The following DGKI variants were observed in gnomAD, a reference collection of about 807,000 sequenced individuals.
DGKI encodes the protein DAG kinase iota.
DGKI carries 55 observed loss-of-function variants against 147.5 expected under a neutral mutation model. The observed-to-expected ratio is 0.37, with a 90% confidence interval of 0.30 to 0.47. DGKI has a LOEUF of 0.47. DGKI is among the 20% of genes least tolerant of loss of function. DGKI has a pLI of 1.00. For missense variants in DGKI, 1,007 were observed against 1,323.8 expected, an observed-to-expected ratio of 0.76 and a Z score of 3.71; for synonymous variants, 469 against 477.1, an observed-to-expected ratio of 0.98 and a Z score of 0.22.
chr7:137,609,578 T>C lies in DGKI; in HGVS notation c.1025A>G (p.Lys342Arg), dbSNP rs1280694654. ...NSLKASNRKK[K>R]RTSFKRKASK... is the part of the protein sequence containing the mutation. ...GGCTTTTCTTTTAAAGCTTGTTCTC[T>C]TCTTCTTCCGATTTGAAGCCTTCAG... is the stretch of plus-strand genomic sequence containing the variant. Residue 342 changes from lysine to arginine, a missense_variant, in exon 9 of 33, where the codon AAG (lysine) becomes AGG (arginine). By Grantham distance (26) the Lys-to-Arg change is conservative. Coordinates refer to ENST00000614521, the MANE Select transcript of DGKI (RefSeq NM_001321708.2). 2 of 1,613,290 alleles carry C rather than the reference T, an allele frequency of 1.2e-6. No individual in the cohort carries two copies. The highest frequency in any genetic ancestry group is 1.7e-6 in the Non-Finnish European group (2 of 1,179,526).
chr7:137,604,017 C>G (rs1281066505), intron 10 of DGKI, among the ~76,000 whole-genome samples: 1 of 152,190 alleles, frequency 6.6e-6, no homozygotes, highest in Non-Finnish European at 1.5e-5. Flanking sequence ...TTATGCATCG[C>G]TCTGGCTACA....
At chr7:137,395,399 G>T (rs1470400965) in intron 32 of DGKI, among the ~76,000 whole-genome samples, 199 bp downstream of exon 32, 1 of 152,234 alleles carries the variant, frequency 6.6e-6, no homozygotes, top group Non-Finnish European at 1.5e-5. Flanking sequence ...CCATAGGCAA[G>T]CACACGCCCT....
intron 5 of DGKI, among the ~76,000 whole-genome samples, chr7:137,653,740 G>C (rs1325057223): frequency 6.6e-6 from 1 of 152,164 alleles, no homozygotes; most frequent in Non-Finnish European, 1.5e-5. Flanking sequence ...AGGTTTCCAA[G>C]GGGTAAATCT....
At chr7:137,729,465 GAT>G (rs1794806892) in intron 1 of DGKI, among the ~76,000 whole-genome samples, 1 of 152,008 alleles carries the variant, frequency 6.6e-6, no homozygotes, top group South Asian at 2.1e-4. Flanking sequence ...AGACTCCAAG[GAT>G]ATTCCTATAT....
chr7:137,455,950 A>C (rs1814188486), intron 27 of DGKI, among the ~76,000 whole-genome samples: 2 of 152,148 alleles, frequency 1.3e-5, no homozygotes, highest in Non-Finnish European at 2.9e-5. Flanking sequence ...ACTCTTTCAC[A>C]CTTTAGATCT....
chr7:137,659,427 C>G (rs933371237), intron 3 of DGKI, among the ~76,000 whole-genome samples: 3 of 152,106 alleles, frequency 2.0e-5, no homozygotes, highest in Admixed American at 6.5e-5. Flanking sequence ...AATAAGCTTC[C>G]GGACAGAAAT....
intron 1 of DGKI, chr7:137,771,857 C>T (rs900443071): frequency 6.6e-6 from 1 of 152,120 alleles, no homozygotes; most frequent in Non-Finnish European, 1.5e-5. Context: ...CTGGGAAATA[C>T]CTTCTAATAA....
intron 31 of DGKI, among the ~76,000 whole-genome samples, chr7:137,397,153 T>C (rs1478250378): frequency 6.6e-6 from 1 of 152,256 alleles, no homozygotes; most frequent in Non-Finnish European, 1.5e-5. Context: ...TAAATGATGA[T>C]TAGCGCTGAC....
At chr7:137,508,811 T>C (rs1816467422) in intron 21 of DGKI, among the ~76,000 whole-genome samples, 1 of 151,996 alleles carries the variant, frequency 6.6e-6, no homozygotes, top group African/African-American at 2.4e-5. Context: ...CAAACACAGA[T>C]GCCTAGTTAC....
At position 137,427,176 on chromosome 7, in the gene DGKI, A is replaced by T. The variant is rs577944471; in HGVS notation, c.2762-14969T>A. ...TAAAGCTCTCCTCAGCAAATGTAAAAGAACAGAAATTATAAAAAACTGTCT... is the reference window on the plus strand; with the variant it reads ...TAAAGCTCTCCTCAGCAAATGTAAATGAACAGAAATTATAAAAAACTGTCT... On this transcript the variant is annotated intron_variant, in intron 28 of 32. Transcript: ENST00000614521. Among the ~76,000 whole-genome samples, 859 of 152,280 alleles carry T rather than the reference A, an allele frequency of 5.6e-3. 8 individuals are homozygous for T. Among genetic ancestry groups the T allele is most frequent in the African/African-American group, 0.02 (816 of 41,528 alleles).
intron 31 of DGKI, among the ~76,000 whole-genome samples, chr7:137,396,529 A>G (rs1366336427): frequency 6.6e-6 from 1 of 152,194 alleles, no homozygotes; most frequent in Non-Finnish European, 1.5e-5. Flanking sequence ...AAGTGATGGC[A>G]CCACTTATAA....
Position 137,585,693 on chromosome 7 carries a change from G to A in DGKI, c.1426-347C>T, listed in dbSNP as rs567010417. Among the ~76,000 whole-genome samples the A allele has an allele frequency of 2.0e-5, 3 of 152,250 alleles. No individual in the cohort carries two copies. The East Asian group carries it at 5.8e-4, about 29-fold the overall frequency. The stretch of plus-strand genomic sequence containing the variant: ...TGGCTCTCACTGGAGGAATTTGGGG[G>A]AAACACAAAACAAATGTGTTTGGAG... On this transcript the variant is annotated intron_variant, in intron 13 of 32. Transcript: ENST00000614521.
chr7:137,742,723 G>C (rs1039061875), intron 1 of DGKI, among the ~76,000 whole-genome samples: 1 of 148,724 alleles, frequency 6.7e-6, no homozygotes, highest in Non-Finnish European at 1.5e-5. Context: ...CAGCTACCGG[G>C]GGAAAAAAAA....
At chr7:137,752,370 T>G (rs1795524074) in intron 1 of DGKI, among the ~76,000 whole-genome samples, 1 of 152,220 alleles carries the variant, frequency 6.6e-6, no homozygotes, top group African/African-American at 2.4e-5. Flanking sequence ...CTCATATTTA[T>G]AAACTTCAGT....
At chr7:137,618,145 A>ATT (rs1554442494) in intron 8 of DGKI, among the ~76,000 whole-genome samples, 1 of 12,234 alleles carries the variant, frequency 8.2e-5, no homozygotes, top group African/African-American at 2.4e-4. Context: ...ATATATATAT[A>ATT]TATATATTTT....
intron 28 of DGKI, among the ~76,000 whole-genome samples, chr7:137,424,340 G>A (rs904615979): frequency 1.3e-5 from 2 of 152,156 alleles, no homozygotes; most frequent in African/African-American, 2.4e-5. Flanking sequence ...GAAGGGAAAT[G>A]AAATCAAGAC....
intron 12 of DGKI, among the ~76,000 whole-genome samples, chr7:137,590,943 C>T (rs564261993): frequency 1.3e-5 from 2 of 152,330 alleles, no homozygotes; most frequent in Admixed American, 1.3e-4. Flanking sequence ...AAGTGATCCG[C>T]CCGCCAAAGT....
intron 6 of DGKI, among the ~76,000 whole-genome samples, chr7:137,638,687 C>T (rs1182896104): frequency 7.3e-6 from 1 of 136,624 alleles, no homozygotes; most frequent in Non-Finnish European, 1.5e-5. Context: ...CGTATGTACA[C>T]ACAGATACAT....
rs540235892 is a variant in DGKI, at chr7:137,810,419, A to G, written c.401+36043T>C. Among the ~76,000 whole-genome samples, 12 of 152,330 alleles carry G rather than the reference A, an allele frequency of 7.9e-5. No homozygotes were observed. In the East Asian group the frequency reaches 1.5e-3, roughly 20 times the overall value. On this transcript the variant is annotated intron_variant, in intron 1 of 32. Coordinates refer to ENST00000614521, the MANE Select transcript of DGKI (RefSeq NM_001321708.2). ...GAAAGGTACTAAGTTTCATTGCCCCAAGACATCTATTATTAGGGTCTTAAA... is the reference window on the plus strand; with the variant it reads ...GAAAGGTACTAAGTTTCATTGCCCCGAGACATCTATTATTAGGGTCTTAAA...
Sources: allele counts gnomAD v4.1 joint callset (sites outside exome capture counted in the v4.1 genomes callset), GRCh38; gene constraint gnomAD v4.1.1; transcripts MANE v1.5; gene names NCBI Gene and HGNC (gene_info 2026-07-23, HGNC 2026-07-21).